The following MPPED2 variants were observed in gnomAD, a reference collection of about 807,000 sequenced individuals.
MPPED2 encodes the protein metallophosphoesterase MPPED2.
Under a neutral mutation model 33.0 loss-of-function variants are expected in MPPED2, and 5 were observed. The ratio of observed to expected loss-of-function variants is 0.15; its 90% CI spans 0.08 to 0.32. MPPED2 has a LOEUF of 0.32. Among genes scored for constraint, MPPED2 ranks in the 10% least tolerant of loss-of-function variants. The pLI, the probability that MPPED2 is intolerant of heterozygous loss-of-function variation, is 1.00. For synonymous variants in MPPED2, 136 were observed against 141.9 expected, an observed-to-expected ratio of 0.96 and a Z score of 0.29; for missense variants, 275 against 372.1, an observed-to-expected ratio of 0.74 and a Z score of 2.15.
Position 30,536,160 on chromosome 11 carries a change from T to A in MPPED2, c.144A>T (p.Pro48=). 1 of 1,605,362 alleles carries A rather than the reference T, an allele frequency of 6.2e-7. No homozygotes were observed. The highest frequency in any genetic ancestry group is 1.3e-5 in the African/African-American group (1 of 74,736). Reference sequence around the variant, plus strand: ...GGCCCGCTGGTTTTGGAGTGTCATATGGGATGGGGTCGACCCTAAAGTAGA... The same window carrying A: ...GGCCCGCTGGTTTTGGAGTGTCATAAGGGATGGGGTCGACCCTAAAGTAGA... ...PPHVHMVDPI[P]YDTPKPAGHT... Residue 48 remains proline, a synonymous_variant, in exon 3 of 7, where the codon CCA becomes CCT. Coordinates refer to ENST00000358117, the MANE Select transcript of MPPED2 (RefSeq NM_001584.3).
intron 4 of MPPED2, among the ~76,000 whole-genome samples, chr11:30,450,928 T>C (rs976590453): frequency 6.6e-6 from 1 of 152,248 alleles, no homozygotes; most frequent in East Asian, 1.9e-4. Flanking sequence ...TCATAGGCTC[T>C]CTGGCTTCCC....
At chr11:30,581,330 T>G (rs1329812280) in intron 1 of MPPED2, among the ~76,000 whole-genome samples, 1 of 152,216 alleles carries the variant, frequency 6.6e-6, no homozygotes, top group Non-Finnish European at 1.5e-5. Context: ...AAATTTCCAT[T>G]AGTTCTGATT....
At chr11:30,522,655 T>C (rs1373370835) in intron 3 of MPPED2, among the ~76,000 whole-genome samples, 2 of 152,214 alleles carry the variant, frequency 1.3e-5, no homozygotes, top group Non-Finnish European at 2.9e-5. Context: ...TGGGCTCCAC[T>C]CCACTTTCAC....
chr11:30,566,341 C>T (rs574945112), intron 2 of MPPED2, among the ~76,000 whole-genome samples: 367 of 152,240 alleles, frequency 2.4e-3, no homozygotes, highest in Non-Finnish European at 4.0e-3. Flanking sequence ...TCTCTAGGGT[C>T]ACATTGAAAG....
At chr11:30,432,209 C>A (rs535139345) in intron 4 of MPPED2, among the ~76,000 whole-genome samples, 1 of 151,854 alleles carries the variant, frequency 6.6e-6, no homozygotes, top group East Asian at 1.9e-4. Context: ...CTCCAGGTAA[C>A]CTCTCATAGT....
At chr11:30,475,838 C>T (rs923114299) in intron 4 of MPPED2, among the ~76,000 whole-genome samples, 1 of 152,012 alleles carries the variant, frequency 6.6e-6, no homozygotes, top group African/African-American at 2.4e-5. Context: ...AAAAAGTTTT[C>T]CAAAGAGGGT....
intron 2 of MPPED2, among the ~76,000 whole-genome samples, chr11:30,565,490 GC>G (rs1272286341): frequency 6.6e-6 from 1 of 152,070 alleles, no homozygotes; most frequent in Admixed American, 6.6e-5. Context: ...GTCCATCAGA[GC>G]CCCTTTACCT....
intron 4 of MPPED2, among the ~76,000 whole-genome samples, chr11:30,479,900 A>G (rs1179126158): frequency 6.6e-6 from 1 of 152,138 alleles, no homozygotes; most frequent in Admixed American, 6.5e-5. Flanking sequence ...ACTGAACACA[A>G]TTGTAAGTAA....
At chr11:30,541,836 C>A (rs1955138596) in intron 2 of MPPED2, among the ~76,000 whole-genome samples, 1 of 152,216 alleles carries the variant, frequency 6.6e-6, no homozygotes, top group Admixed American at 6.5e-5. Flanking sequence ...AAGTGATCCA[C>A]CTGCCTTGGC....
intron 6 of MPPED2, among the ~76,000 whole-genome samples, chr11:30,393,537 A>G (rs1325315593): frequency 1.3e-5 from 2 of 152,140 alleles, no homozygotes; most frequent in Non-Finnish European, 2.9e-5. Flanking sequence ...CTGAGTATGT[A>G]TACCATCTGA....
rs980903532 is a variant in MPPED2, at chr11:30,410,719, T to C, written c.*749A>G. 1 of 983,940 alleles carries C rather than the reference T, an allele frequency of 1.0e-6. No homozygotes were observed. The allele number at this position is 983,940 out of a possible 1,614,324, so 61.0% of individuals were successfully genotyped here. On this transcript the variant is annotated 3_prime_UTR_variant, in exon 7 of 7. Transcript: ENST00000358117. Reference sequence around the variant, plus strand: ...AATACACAAAAAATACTTATATATATAAACCCATATTGAAAAGGAGTCTGC... The same window carrying C: ...AATACACAAAAAATACTTATATATACAAACCCATATTGAAAAGGAGTCTGC...
intron 6 of MPPED2, among the ~76,000 whole-genome samples, chr11:30,393,423 T>C (rs1947803772): frequency 6.6e-6 from 1 of 152,146 alleles, no homozygotes; most frequent in South Asian, 2.1e-4. Context: ...TGGCCTTGGG[T>C]AAGAGATTTT....
At chr11:30,447,648 C>A (rs1475206676) in intron 4 of MPPED2, among the ~76,000 whole-genome samples, 1 of 152,110 alleles carries the variant, frequency 6.6e-6, no homozygotes, top group African/African-American at 2.4e-5. Context: ...AAGCCAGGTG[C>A]AAACGGGCAT....
intron 2 of MPPED2, among the ~76,000 whole-genome samples, chr11:30,546,603 T>G (rs1955438801): frequency 6.6e-6 from 1 of 152,246 alleles, no homozygotes; most frequent in Non-Finnish European, 1.5e-5. Context: ...GCATGGCTAA[T>G]GGGCCTTCTT....
At chr11:30,407,899 ATAAG>A (rs1565037143), downstream of MPPED2, among the ~76,000 whole-genome samples, 2 of 152,116 alleles carry the variant, frequency 1.3e-5, no homozygotes, top group African/African-American at 4.8e-5. Flanking sequence ...AAATAAATAA[ATAAG>A]TAAATAAAAT....
chr11:30,394,018 A>C (rs1242555795), intron 6 of MPPED2, among the ~76,000 whole-genome samples: 1 of 152,208 alleles, frequency 6.6e-6, no homozygotes, highest in African/African-American at 2.4e-5. Context: ...AATATCATAC[A>C]AGTGGAATAT....
At chr11:30,498,484 G>T (rs982931496) in intron 3 of MPPED2, among the ~76,000 whole-genome samples, 1 of 150,994 alleles carries the variant, frequency 6.6e-6, no homozygotes, top group Non-Finnish European at 1.5e-5. Context: ...GGAGGTGCAG[G>T]TTGCTGTGAG....
chr11:30,484,932 T>C (rs536081951), intron 4 of MPPED2, among the ~76,000 whole-genome samples: 2 of 152,306 alleles, frequency 1.3e-5, no homozygotes, highest in Non-Finnish European at 2.9e-5. Flanking sequence ...TCTACTCTTT[T>C]TTGCTTCTTC....
rs755148903 is a variant in MPPED2 at position 30,411,600 on chromosome 11, G to T, written c.767-14C>A. 6.2e-7 allele frequency: 1 copy of T among 1,606,414 alleles called. No homozygotes were observed. The highest frequency in any genetic ancestry group is 8.5e-7 in the Non-Finnish European group (1 of 1,174,700). ...TGATGCCATAACCTGTGGGGAGAGC[G>T]TGTCACATTTACTGTAATATATACA... On this transcript the variant is annotated splice_polypyrimidine_tract_variant and intron_variant, in intron 6 of 6. Coordinates refer to ENST00000358117, the MANE Select transcript of MPPED2 (RefSeq NM_001584.3).
Sources: allele counts gnomAD v4.1 joint callset (sites outside exome capture counted in the v4.1 genomes callset), GRCh38; gene constraint gnomAD v4.1.1; transcripts MANE v1.5; gene names NCBI Gene and HGNC (gene_info 2026-07-23, HGNC 2026-07-21).